Variants in ARSG observed in about 807,000 individuals in gnomAD.
ARSG encodes the protein arylsulfatase G, also known as ASG.
ARSG carries 37 observed loss-of-function variants against 50.5 expected under a neutral mutation model. The ratio of observed to expected loss-of-function variants is 0.73; its 90% CI spans 0.56 to 0.96. The LOEUF is 0.96. Ranked by LOEUF, ARSG falls within the 50% of genes least tolerant of loss-of-function variation. The pLI is 0.00. For synonymous variants in ARSG, 225 were observed against 254.6 expected, an observed-to-expected ratio of 0.88 and a Z score of 1.11; for missense variants, 629 against 675.3, an observed-to-expected ratio of 0.93 and a Z score of 0.76.
chr17:68,416,147 G>T (rs2082353446), intron 11 of ARSG, among the ~76,000 whole-genome samples: 1 of 152,174 alleles, frequency 6.6e-6, no homozygotes, highest in African/African-American at 2.4e-5. Context: ...ATGCTTTAAA[G>T]AGGTTCCATT....
At chr17:68,398,198 G>A (rs2081329111) in intron 10 of ARSG, among the ~76,000 whole-genome samples, 1 of 152,150 alleles carries the variant, frequency 6.6e-6, no homozygotes, top group Non-Finnish European at 1.5e-5. Flanking sequence ...GCATATGCAT[G>A]TGTCTATATA....
At chr17:68,304,007 A>G (rs1229575748) in intron 1 of ARSG, among the ~76,000 whole-genome samples, 2 of 152,240 alleles carry the variant, frequency 1.3e-5, no homozygotes, top group Admixed American at 1.3e-4. Context: ...ATGTTTCATC[A>G]TGGAACACTG....
In ARSG at chr17:68,385,163, C is replaced by T; in HGVS notation, c.1082C>T (p.Ala361Val). 1 of 1,613,636 alleles carries T rather than the reference C, an allele frequency of 6.2e-7. No homozygotes were observed. Among genetic ancestry groups the T allele is most frequent in the Non-Finnish European group, 8.5e-7 (1 of 1,179,684 alleles). ...GRVPVNVTSTALLSVLDIFPT... is the reference protein window; with the variant it reads ...GRVPVNVTSTVLLSVLDIFPT... ...GTTCCAGTTAATGTCACCAGCACTG[C>T]CTTGTTAAGGTATGAGACCAAAACT... The change falls in exon 9 of 12, where the codon GCC becomes GTC. Residue 361 changes from alanine to valine, a missense_variant. By Grantham distance (64) the Ala-to-Val change is moderately conservative (BLOSUM62 0). Coordinates refer to ENST00000621439, the MANE Select transcript of ARSG (RefSeq NM_001267727.2).
the ARSG span, chr17:68,444,524 C>G: frequency 1.2e-6 from 2 of 1,614,052 alleles, no homozygotes; most frequent in African/African-American, 2.7e-5. Context: ...CCAGGAGGGT[C>G]TTCAACAGCT....
intron 1 of ARSG, chr17:68,274,132 G>T: frequency 6.4e-7 from 1 of 1,557,066 alleles, no homozygotes; most frequent in Non-Finnish European, 8.8e-7. Context: ...GCTGCCATAA[G>T]ACTCCTTCCT....
chr17:68,360,893 T>TGGCGCACTGCAACCTC (rs2079251118), intron 6 of ARSG, among the ~76,000 whole-genome samples: 1 of 152,178 alleles, frequency 6.6e-6, no homozygotes, highest in Non-Finnish European at 1.5e-5. Context: ...GTTGCAATCT[T>TGGCGCACTGCAACCTC]GGCGCACTGC....
In ARSG at chr17:68,339,095, T is replaced by C. The variant is rs189719305; in HGVS notation, c.219-4509T>C. Reference sequence around the variant, plus strand: ...TCCACTCAGTTTGTAGGATTTTTTTTTTTTAAATGAAGTGATATATACATA... The same window carrying C: ...TCCACTCAGTTTGTAGGATTTTTTTCTTTTAAATGAAGTGATATATACATA... On this transcript the variant is annotated intron_variant, in intron 2 of 11. Transcript: ENST00000621439. Among the ~76,000 whole-genome samples, 206 of 152,318 alleles carry C rather than the reference T, an allele frequency of 1.4e-3. 1 individual carries two copies. Among genetic ancestry groups the C allele is most frequent in the Non-Finnish European group, 2.0e-3 (137 of 68,024 alleles).
intron 10 of ARSG, among the ~76,000 whole-genome samples, chr17:68,395,776 C>T (rs2081215604): frequency 1.3e-5 from 2 of 152,104 alleles, no homozygotes; most frequent in African/African-American, 2.4e-5. Context: ...TGAGCCTCAC[C>T]CTCTAGAATG....
intron 8 of ARSG, among the ~76,000 whole-genome samples, chr17:68,379,438 T>C (rs1320861630): frequency 7.0e-6 from 1 of 143,092 alleles, no homozygotes; most frequent in East Asian, 2.0e-4. Flanking sequence ...TTTTTTTTTT[T>C]TTTTTTTTTT....
At chr17:68,416,371 T>C (rs1442372257) in intron 11 of ARSG, among the ~76,000 whole-genome samples, 3 of 152,184 alleles carry the variant, frequency 2.0e-5, no homozygotes, top group Non-Finnish European at 4.4e-5. Context: ...TTGTAGGGTA[T>C]CTGCTGTTAA....
intron 2 of ARSG, among the ~76,000 whole-genome samples, chr17:68,340,864 G>A (rs1305185960): frequency 6.6e-6 from 1 of 152,138 alleles, no homozygotes; most frequent in East Asian, 1.9e-4. Flanking sequence ...TGGGAGATCT[G>A]TATTTTTAAA....
upstream of ARSG, among the ~76,000 whole-genome samples, chr17:68,289,204 G>A (rs2075910186): frequency 6.6e-6 from 1 of 151,972 alleles, no homozygotes; most frequent in African/African-American, 2.4e-5. Flanking sequence ...AAAATGAGGT[G>A]GGAGGATCGC....
At chr17:68,380,323 C>T (rs2080371233) in intron 8 of ARSG, among the ~76,000 whole-genome samples, 1 of 151,824 alleles carries the variant, frequency 6.6e-6, no homozygotes, top group Admixed American at 6.6e-5. Flanking sequence ...CTCACTGCTG[C>T]CTCAACCTCC....
chr17:68,408,036 A>T (rs2081814266), intron 11 of ARSG, among the ~76,000 whole-genome samples: 1 of 150,066 alleles, frequency 6.7e-6, no homozygotes, highest in African/African-American at 2.5e-5. Flanking sequence ...ATTGGTGCAA[A>T]TTACTGTTTA....
At chr17:68,436,496 A>G in the ARSG span, 1 of 1,610,482 alleles carries the variant, frequency 6.2e-7, no homozygotes, top group Non-Finnish European at 8.5e-7. Context: ...AAGAAGAAAC[A>G]GAACATGAGA....
chr17:68,376,571 G>A (rs2146873939), intron 8 of ARSG, among the ~76,000 whole-genome samples: 1 of 151,932 alleles, frequency 6.6e-6, no homozygotes, highest in East Asian at 1.9e-4. Flanking sequence ...GATTACAGGT[G>A]TGAGCCACTG....
At chr17:68,343,575 C>T (rs201281904) in intron 2 of ARSG, 29 bp from the exon 3 acceptor site, 55 of 1,560,424 alleles carry the variant, frequency 3.5e-5, no homozygotes, top group Non-Finnish European at 4.4e-5. Context: ...GTGGTTGGTG[C>T]GGTCCTGACC....
chr17:68,305,179 C>G (rs1224123764), intron 1 of ARSG, among the ~76,000 whole-genome samples: 13 of 152,126 alleles, frequency 8.5e-5, no homozygotes, highest in Admixed American at 8.5e-4. Flanking sequence ...AAATTTAGGG[C>G]TTTTAAGTGA....
chr17:68,310,516 C>G (rs1198928864), intron 2 of ARSG, among the ~76,000 whole-genome samples: 1 of 152,332 alleles, frequency 6.6e-6, no homozygotes, highest in East Asian at 1.9e-4. Context: ...CACCCAGCTC[C>G]TTTCCCTTCT....
Sources: gnomAD v4.1 joint callset for allele counts (sites outside exome capture counted in the v4.1 genomes callset) on GRCh38, gnomAD v4.1.1 for gene constraint, MANE v1.5 for transcripts, NCBI Gene and HGNC (gene_info 2026-07-23, HGNC 2026-07-21) for gene names.